Variants in TSPAN32 observed in about 807,000 individuals in gnomAD.
TSPAN32 encodes tetraspanin-32.
TSPAN32 carries 47 observed loss-of-function variants against 42.7 expected under a neutral mutation model. That is an observed-to-expected ratio of 1.10 (90% confidence interval 0.87 to 1.40). TSPAN32 has a LOEUF of 1.40. Ranked by LOEUF, TSPAN32 falls within the 40% of genes most tolerant of loss-of-function variation. The pLI is 0.00. For missense variants in TSPAN32, 469 were observed against 424.1 expected (o/e 1.11, Z -0.93); for synonymous variants, 175 against 175.9 (o/e 0.99, Z 0.04).
At position 2,314,578 on chromosome 11, in the gene TSPAN32, G is replaced by C. The variant is rs537950015; in HGVS notation, c.543+7G>C. ...AGAGGAGGCGGCGAGAGAGGTGAGGGGGGGACCTGGATGCTGGCCAGGCAA... is the reference window on the plus strand; with the variant it reads ...AGAGGAGGCGGCGAGAGAGGTGAGGCGGGGACCTGGATGCTGGCCAGGCAA... On this transcript the variant is annotated splice_region_variant and intron_variant, in intron 6 of 9. Transcript: ENST00000182290. The C allele has an allele frequency of 1.2e-6, 2 of 1,602,048 alleles. No homozygotes were observed. Among genetic ancestry groups the C allele is most frequent in the Admixed American group, 1.7e-5 (1 of 58,278 alleles).
Position 2,302,472 on chromosome 11 carries a change from C to T in TSPAN32, c.66+257C>T, listed in dbSNP as rs533560037. 7.8e-4 allele frequency among the ~76,000 whole-genome samples: 119 copies of T among 152,082 alleles called. 1 individual carries two copies. Among genetic ancestry groups the T allele is most frequent in the Non-Finnish European group, 1.5e-3 (101 of 68,014 alleles). Reference sequence around the variant, plus strand: ...GCCTGAGTGGGGCTGAGGCCTGGGGCGAGCTGGGGTGGAGGGGCACTGGCT... The same window carrying T: ...GCCTGAGTGGGGCTGAGGCCTGGGGTGAGCTGGGGTGGAGGGGCACTGGCT... On this transcript the variant is annotated intron_variant, in intron 1 of 9. Transcript: ENST00000182290.
Position 2,318,087 on chromosome 11 carries a change from T to C in TSPAN32, c.*163T>C, listed in dbSNP as rs1398731245. On this transcript the variant is annotated 3_prime_UTR_variant, in exon 10 of 10. Transcript: ENST00000182290. This position sits in a 1 kb window ranked among gnomAD's most constrained non-coding sequence, Gnocchi z 4.2. The stretch of plus-strand genomic sequence containing the variant: ...GGTCCCTCCACCTTCAAACCAGCAA[T>C]GGTGCATTGAGCAAATTGTGGTCAA... The C allele has an allele frequency of 5.2e-6, 3 of 576,800 alleles. No homozygotes were observed. Among genetic ancestry groups the C allele is most frequent in the Admixed American group, 6.8e-5 (2 of 29,626 alleles). 35.7% of individuals were successfully genotyped at this position (576,800 alleles called of 1,614,324 possible). A position where few individuals can be genotyped will look rare whatever the true frequency, so the allele number is the denominator to read the frequency against.
Position 2,304,202 on chromosome 11 carries a change from G to A in TSPAN32, c.277G>A (p.Gly93Arg). ...GAGGGAGGCCCAGGGCCTCATGGCAGGGGTGAGTTCATTGTGTTCCCAGAT... is the reference window on the plus strand; with the variant it reads ...GAGGGAGGCCCAGGGCCTCATGGCAAGGGTGAGTTCATTGTGTTCCCAGAT... ...TVREAQGLMA[G>R]GFLCFSLAFC... Residue 93 changes from glycine to arginine, a missense_variant and splice_region_variant, in exon 3 of 10, where the codon GGG becomes AGG. Coordinates refer to ENST00000182290, the MANE Select transcript of TSPAN32 (RefSeq NM_139022.3). The surrounding 1 kb of genome is among the most constrained non-coding windows in gnomAD (Gnocchi z 4.8). 1 of 1,568,398 alleles carries A rather than the reference G, an allele frequency of 6.4e-7. No homozygotes were observed. The highest frequency in any genetic ancestry group is 2.3e-5 in the East Asian group (1 of 42,948).
At position 2,304,825 on chromosome 11, in the gene TSPAN32, C is replaced by T. The variant is rs1018824331; in HGVS notation, c.279+621C>T. ...GGCTTCTGTCTTGGTCCCTGCCACT[C>T]GATGGTCATCGCAGACCCCACCTGG... On this transcript the variant is annotated intron_variant, in intron 3 of 9. Transcript: ENST00000182290. The surrounding 1 kb of genome is among the most constrained non-coding windows in gnomAD (Gnocchi z 4.8). 1.9e-4 allele frequency among the ~76,000 whole-genome samples: 29 copies of T among 152,056 alleles called. No individual in the cohort carries two copies. Among genetic ancestry groups the T allele is most frequent in the African/African-American group, 4.8e-4 (20 of 41,384 alleles).
Position 2,317,434 on chromosome 11 carries a change from T to C in TSPAN32, c.810T>C (p.Ile270=). The change falls in exon 9 of 10, where the codon ATT becomes ATC. Residue 270 remains isoleucine (I), a synonymous_variant. Transcript: ENST00000182290. This position sits in a 1 kb window ranked among gnomAD's most constrained non-coding sequence, Gnocchi z 6.2. ...THCLHSEAVA[I]GPRGCSGSLR... ...GTCTCCACTCCGAAGCAGTTGCTAT[T>C]GGTCCAAGAGGATGCTCGGGTAGTC... The C allele has an allele frequency of 6.2e-7, 1 of 1,604,164 alleles. No individual in the cohort carries two copies. Among genetic ancestry groups the C allele is most frequent in the Admixed American group, 1.7e-5 (1 of 58,758 alleles).
chr11:2,303,846 A>G (rs980204972), intron 2 of TSPAN32, among the ~76,000 whole-genome samples: 2 of 152,068 alleles, frequency 1.3e-5, no homozygotes, highest in African/African-American at 4.8e-5. Context: ...CATGGCAGGG[A>G]GCATGTGGCT....
At chr11:2,309,383 G>A in intron 4 of TSPAN32, 1 of 469,332 alleles carries the variant, frequency 2.1e-6, no homozygotes, top group Non-Finnish European at 4.4e-6. Flanking sequence ...GCTGACCGTG[G>A]GCAGGGGCCA....
Position 2,317,995 on chromosome 11 carries a change from G to T in TSPAN32, c.*71G>T, listed in dbSNP as rs1251735857. ...AGCATCTGCCTCCAGGACCATTCAG[G>T]CTGTTGACAAGTCAACTCCTCATGG... is the stretch of plus-strand genomic sequence containing the variant. On this transcript the variant is annotated 3_prime_UTR_variant, in exon 10 of 10. Transcript: ENST00000182290. This position sits in a 1 kb window ranked among gnomAD's most constrained non-coding sequence, Gnocchi z 6.2. 1.4e-6 allele frequency: 1 copy of T among 730,408 alleles called. No homozygotes were observed. The highest frequency in any genetic ancestry group is 2.5e-5 in the East Asian group (1 of 39,838). The allele number at this position is 730,408 out of a possible 1,614,324, so 45.2% of individuals were successfully genotyped here.
chr11:2,315,183 C>A, intron 6 of TSPAN32: 15 of 960,586 alleles, frequency 1.6e-5, no homozygotes, highest in South Asian at 1.9e-5. Flanking sequence ...CCTGCCCCCT[C>A]CCTGCTCCCC....
chr11:2,312,117 T>C (rs1489301185), intron 4 of TSPAN32, among the ~76,000 whole-genome samples: 1 of 151,606 alleles, frequency 6.6e-6, no homozygotes, highest in African/African-American at 2.4e-5. Flanking sequence ...GAGTTGTCAC[T>C]CTCGCCCATG....
intron 4 of TSPAN32, among the ~76,000 whole-genome samples, chr11:2,311,819 C>G (rs1848475197): frequency 6.6e-6 from 1 of 152,254 alleles, no homozygotes; most frequent in African/African-American, 2.4e-5. Flanking sequence ...ACACAGGCCC[C>G]AGGCTCCTTC....
At position 2,317,747 on chromosome 11, in the gene TSPAN32, G is replaced by A. The variant is rs138224344; in HGVS notation, c.902-116G>A. On this transcript the variant is annotated intron_variant, in intron 9 of 9. Transcript: ENST00000182290. This position sits in a 1 kb window ranked among gnomAD's most constrained non-coding sequence, Gnocchi z 6.2. ...AGCCCAGGGCAGACTGCAAGACACT[G>A]GTGGCCCACGGCCTGGAGGGCTCCA... 1.8e-5 allele frequency: 28 copies of A among 1,525,456 alleles called. No individual in the cohort carries two copies. In the East Asian group the frequency reaches 6.8e-4, roughly 37 times the overall value. The allele number at this position is 1,525,456 out of a possible 1,614,324, so 94.5% of individuals were successfully genotyped here. A position where few individuals can be genotyped will look rare whatever the true frequency, so the allele number is the denominator to read the frequency against.
chr11:2,308,431 CGCAGTGA>C (rs1848245792), intron 3 of TSPAN32, among the ~76,000 whole-genome samples: 3 of 95,408 alleles, frequency 3.1e-5, no homozygotes, highest in East Asian at 3.8e-4. Flanking sequence ...ACCGGCCCCC[CGCAGTGA>C]CCAGCCCCCC....
In TSPAN32 at chr11:2,308,734, A is replaced by C; in HGVS notation, c.280-2A>C. ...CAGTGACCAGCCCCGCTCTGCCCCC[A>C]GGGCTTCCTGTGCTTCTCCCTGGCG... On this transcript the variant is annotated splice_acceptor_variant, in intron 3 of 9. Transcript: ENST00000182290. LOFTEE classifies it high-confidence loss of function. 1 of 1,540,834 alleles carries C rather than the reference A, an allele frequency of 6.5e-7. No homozygotes were observed. Among genetic ancestry groups the C allele is most frequent in the Non-Finnish European group, 8.7e-7 (1 of 1,143,824 alleles).
intron 4 of TSPAN32, among the ~76,000 whole-genome samples, chr11:2,312,963 G>A (rs1482078832): frequency 2.6e-5 from 4 of 152,202 alleles, no homozygotes; most frequent in Non-Finnish European, 5.9e-5. Context: ...GTCTTTGAAG[G>A]AGTAACTTGG....
chr11:2,303,053 GC>G, intron 2 of TSPAN32, 95 bp downstream of exon 2: 2 of 1,187,020 alleles, frequency 1.7e-6, no homozygotes, highest in Non-Finnish European at 2.4e-6. Flanking sequence ...CCAGAATGGT[GC>G]CAGGCCCTAG....
Position 2,317,217 on chromosome 11 carries a change from C to G in TSPAN32, c.720-127C>G. 1 of 722,190 alleles carries G rather than the reference C, an allele frequency of 1.4e-6. No homozygotes were observed. Among genetic ancestry groups the G allele is most frequent in the Non-Finnish European group, 2.3e-6 (1 of 433,198 alleles). 44.7% of individuals were successfully genotyped at this position (722,190 alleles called of 1,614,324 possible). A position where few individuals can be genotyped will look rare whatever the true frequency, so the allele number is the denominator to read the frequency against. Reference sequence around the variant, plus strand: ...ACAGTCCCCCTAGAACATTCCACAGCAGCTCCATAATCCCCTCCAGAACAT... The same window carrying G: ...ACAGTCCCCCTAGAACATTCCACAGGAGCTCCATAATCCCCTCCAGAACAT... On this transcript the variant is annotated intron_variant, in intron 8 of 9. Coordinates refer to ENST00000182290, the MANE Select transcript of TSPAN32 (RefSeq NM_139022.3). The surrounding 1 kb of genome is among the most constrained non-coding windows in gnomAD (Gnocchi z 6.2).
intron 4 of TSPAN32, among the ~76,000 whole-genome samples, chr11:2,312,272 C>T (rs752338342): frequency 2.6e-5 from 4 of 152,208 alleles, no homozygotes; most frequent in South Asian, 2.1e-4. Flanking sequence ...GGGCCCACTC[C>T]GCTGGGCCTC....
intron 5 of TSPAN32, 77 bp from the exon 6 acceptor site, chr11:2,314,408 T>A: frequency 8.4e-7 from 1 of 1,192,786 alleles, no homozygotes; most frequent in South Asian, 1.3e-5. Flanking sequence ...TTGTGGTGCC[T>A]CAGTTTCCCC....
Sources: gnomAD v4.1 joint callset for allele counts (sites outside exome capture counted in the v4.1 genomes callset) on GRCh38, gnomAD v4.1.1 for gene constraint, Gnocchi (gnomAD v3.1) non-coding constraint, MANE v1.5 for transcripts, NCBI Gene and HGNC (gene_info 2026-07-23, HGNC 2026-07-21) for gene names.